The following CCSER1 variants were observed in gnomAD, a reference collection of about 807,000 sequenced individuals.
The protein encoded by CCSER1 is serine-rich coiled-coil domain-containing protein 1.
CCSER1 carries 41 observed loss-of-function variants against 82.0 expected under a neutral mutation model. The observed-to-expected ratio is 0.50, with a 90% CI of 0.39 to 0.65. The LOEUF (loss-of-function observed/expected upper bound fraction) is 0.65. Ranked by LOEUF, CCSER1 falls within the 30% of genes least tolerant of loss-of-function variation. CCSER1 has a pLI of 0.00. For missense variants in CCSER1, 1,119 were observed against 1,064.2 expected (o/e 1.05, Z -0.72); for synonymous variants, 414 against 383.9 (o/e 1.08, Z -0.92).
chr4:91,580,709 G>A (rs1763687109), intron 10 of CCSER1, among the ~76,000 whole-genome samples: 3 of 151,146 alleles, frequency 2.0e-5, no homozygotes, highest in African/African-American at 2.4e-5. Flanking sequence ...TCATTTAGGG[G>A]ACTTGGGGTC....
intron 10 of CCSER1, among the ~76,000 whole-genome samples, chr4:91,181,813 ATGCCT>A (rs1734057653): frequency 6.6e-6 from 1 of 152,208 alleles, no homozygotes; most frequent in South Asian, 2.1e-4. Context: ...TGAGGGCGAT[ATGCCT>A]CAATTATAGG....
chr4:90,430,790 C>T (rs1030636933), intron 4 of CCSER1, among the ~76,000 whole-genome samples: 1 of 151,754 alleles, frequency 6.6e-6, no homozygotes, highest in African/African-American at 2.4e-5. Context: ...CAAAATAGGA[C>T]TAATGAAATT....
At chr4:90,353,655 G>A (rs544593492) in intron 3 of CCSER1, among the ~76,000 whole-genome samples, 2 of 152,190 alleles carry the variant, frequency 1.3e-5, no homozygotes, top group Non-Finnish European at 2.9e-5. Flanking sequence ...CTCCAAGCTA[G>A]CAACAGAAAA....
At chr4:90,840,965 A>G (rs189204333) in intron 8 of CCSER1, among the ~76,000 whole-genome samples, 1 of 152,158 alleles carries the variant, frequency 6.6e-6, no homozygotes, top group Non-Finnish European at 1.5e-5. Context: ...CATAAAGCAG[A>G]TTACCTAAGA....
chr4:90,174,625 G>T (rs575803932), intron 1 of CCSER1, among the ~76,000 whole-genome samples: 1 of 151,898 alleles, frequency 6.6e-6, no homozygotes, highest in Non-Finnish European at 1.5e-5. Context: ...ACAGAGTACC[G>T]AGGAAGGAAG....
intron 3 of CCSER1, among the ~76,000 whole-genome samples, chr4:90,360,579 CAA>C (rs61140876): frequency 0.071 from 5,381 of 75,596 alleles, 190 homozygotes; most frequent in African/African-American, 0.23. Context: ...GACTCCGTCT[CAA>C]AAAAAAAAAA....
chr4:91,160,708 C>A (rs1731299301), intron 10 of CCSER1, among the ~76,000 whole-genome samples: 1 of 152,100 alleles, frequency 6.6e-6, no homozygotes, highest in Non-Finnish European at 1.5e-5. Context: ...TGAGAAGTGT[C>A]TGTACATATC....
intron 7 of CCSER1, among the ~76,000 whole-genome samples, chr4:90,811,081 C>T (rs906589365): frequency 9.9e-5 from 15 of 152,124 alleles, no homozygotes; most frequent in Non-Finnish European, 1.8e-4. Context: ...CGTTGTGATC[C>T]GCCCGCGTCG....
intron 1 of CCSER1, among the ~76,000 whole-genome samples, chr4:90,177,882 A>G (rs1409328447): frequency 1.3e-5 from 2 of 152,106 alleles, no homozygotes; most frequent in East Asian, 1.9e-4. Flanking sequence ...CCTGGCAAAT[A>G]CAGGTTGAAT....
chr4:90,200,689 A>G (rs1737531140), intron 1 of CCSER1, among the ~76,000 whole-genome samples: 1 of 151,964 alleles, frequency 6.6e-6, no homozygotes, highest in African/African-American at 2.4e-5. Flanking sequence ...TTAACATATT[A>G]CCAAGAGACC....
At chr4:90,533,711 A>G (rs533990866) in intron 5 of CCSER1, among the ~76,000 whole-genome samples, 4 of 152,356 alleles carry the variant, frequency 2.6e-5, no homozygotes, top group Admixed American at 2.6e-4. Flanking sequence ...ATCCTGTCAT[A>G]GACGTTACCT....
At chr4:90,925,590 T>G (rs1480078399) in intron 9 of CCSER1, among the ~76,000 whole-genome samples, 2 of 152,172 alleles carry the variant, frequency 1.3e-5, no homozygotes, top group Non-Finnish European at 2.9e-5. Flanking sequence ...TCTAACACCA[T>G]AGTTACCAGC....
At chr4:90,700,441 A>G (rs2149272865) in intron 6 of CCSER1, among the ~76,000 whole-genome samples, 1 of 152,310 alleles carries the variant, frequency 6.6e-6, no homozygotes, top group South Asian at 2.1e-4. Context: ...TAGTGCCGCA[A>G]TAAACATACG....
intron 6 of CCSER1, among the ~76,000 whole-genome samples, chr4:90,641,174 C>T (rs1391204366): frequency 6.6e-6 from 1 of 151,944 alleles, no homozygotes; most frequent in Non-Finnish European, 1.5e-5. Flanking sequence ...TAATTGTATT[C>T]TTATGCCCAC....
At chr4:90,524,868 C>CT (rs575175276) in intron 5 of CCSER1, among the ~76,000 whole-genome samples, 9 of 151,922 alleles carry the variant, frequency 5.9e-5, no homozygotes, top group African/African-American at 2.2e-4. Context: ...ATTATGTCAC[C>CT]TTTTTTTCAA....
intron 1 of CCSER1, among the ~76,000 whole-genome samples, chr4:90,267,692 G>A (rs1313257245): frequency 6.6e-6 from 1 of 152,108 alleles, no homozygotes; most frequent in Non-Finnish European, 1.5e-5. Flanking sequence ...TCTCTCCCTG[G>A]TCATCCAGAT....
chr4:91,510,725 C>T (rs542421880), intron 10 of CCSER1, among the ~76,000 whole-genome samples: 1 of 152,134 alleles, frequency 6.6e-6, no homozygotes, highest in Non-Finnish European at 1.5e-5. Context: ...GGATATCATA[C>T]CTTTTTTGGA....
At chr4:90,541,992 C>CT (rs1776170441) in intron 5 of CCSER1, among the ~76,000 whole-genome samples, 1 of 151,780 alleles carries the variant, frequency 6.6e-6, no homozygotes, top group South Asian at 2.1e-4. Flanking sequence ...TATCAATTTA[C>CT]TTTTTAGTTT....
At chr4:91,226,416 A>T (rs1038629196) in intron 10 of CCSER1, among the ~76,000 whole-genome samples, 12 of 151,966 alleles carry the variant, frequency 7.9e-5, no homozygotes, top group Non-Finnish European at 1.2e-4. Context: ...TGAAAATCTG[A>T]AAATGAGTAA....
Sources: allele counts gnomAD v4.1 joint callset (sites outside exome capture counted in the v4.1 genomes callset), GRCh38; gene constraint gnomAD v4.1.1; transcripts MANE v1.5; gene names NCBI Gene and HGNC (gene_info 2026-07-23, HGNC 2026-07-21).